LAMB1: variants seen among roughly 807,000 people sequenced by gnomAD.
The protein encoded by LAMB1 is laminin subunit beta 1, also known as laminin subunit beta-1.
Under a neutral mutation model 222.3 loss-of-function variants are expected in LAMB1, and 121 were observed. That is an observed-to-expected ratio of 0.54 (90% CI 0.47 to 0.63). The LOEUF (loss-of-function observed/expected upper bound fraction) is 0.63. LAMB1 is among the 30% of genes least tolerant of loss of function. The pLI is 0.00. For missense variants in LAMB1, 2,172 were observed against 2,240.8 expected (o/e 0.97, Z 0.62); for synonymous variants, 794 against 807.2 (o/e 0.98, Z 0.28).
At chr7:108,001,775 G>A in intron 2 of LAMB1, 42 bp from the exon 3 acceptor site, 4 of 1,605,632 alleles carry the variant, frequency 2.5e-6, no homozygotes, top group Non-Finnish European at 3.4e-6. Flanking sequence ...GACACAAGCA[G>A]GGAGTGGAGC....
At chr7:107,943,127 G>A (rs1045715381) in intron 24 of LAMB1, among the ~76,000 whole-genome samples, 12 of 152,308 alleles carry the variant, frequency 7.9e-5, no homozygotes, top group African/African-American at 2.4e-4. Flanking sequence ...ATGGTGATCC[G>A]TAGACCATAC....
At chr7:107,926,106 C>T in intron 32 of LAMB1, 77 bp downstream of exon 32, 1 of 1,136,076 alleles carries the variant, frequency 8.8e-7, no homozygotes, top group South Asian at 1.4e-5. Context: ...GTCCATGTCC[C>T]TTACTCTAAG....
chr7:107,926,536 G>GCTACATTTCATATATTCACTT (rs1300815208), intron 31 of LAMB1, among the ~76,000 whole-genome samples, 177 bp from the exon 32 acceptor site: 1 of 152,128 alleles, frequency 6.6e-6, no homozygotes, highest in Non-Finnish European at 1.5e-5. Flanking sequence ...TTTAGTCTTT[G>GCTACATTTCATATATTCACTT]CTACATTTCA....
intron 12 of LAMB1, 93 bp from the exon 13 acceptor site, chr7:107,973,164 C>T: frequency 1.0e-6 from 1 of 982,652 alleles, no homozygotes; most frequent in Non-Finnish European, 1.6e-6. Context: ...TTCGGCTGTT[C>T]CACCAAATGC....
chr7:107,929,239 C>A, intron 30 of LAMB1, 34 bp from the exon 31 acceptor site: 1 of 1,610,200 alleles, frequency 6.2e-7, no homozygotes. Context: ...TATATTGTTG[C>A]TGAACATGAA....
rs117933030 is a variant in LAMB1 at position 107,981,879 on chromosome 7, C to T, written c.677-1068G>A. 1.2e-4 allele frequency among the ~76,000 whole-genome samples: 18 copies of T among 152,300 alleles called. 1 individual carries two copies. In the East Asian group the frequency reaches 3.3e-3, roughly 28 times the overall value. Reference sequence around the variant, plus strand: ...ATCCAAGTTACCAAAATAGTGTTAACGCTATAGAATAACTACAACCTAAGG... The same window carrying T: ...ATCCAAGTTACCAAAATAGTGTTAATGCTATAGAATAACTACAACCTAAGG... On this transcript the variant is annotated intron_variant, in intron 7 of 33. Coordinates refer to ENST00000222399, the MANE Select transcript of LAMB1 (RefSeq NM_002291.3).
At position 107,975,039 on chromosome 7, in the gene LAMB1, C is replaced by G. The variant is rs1455822067; in HGVS notation, c.1429G>C (p.Gly477Arg). ...ACCAGACGCTTGCAGTAGCAGTGAC[C>G]TGTCTCGGAATCACAAGGATTCCCT... ...PGGNPCDSET[G>R]HCYCKRLVTG... The change falls in exon 12 of 34, where the codon GGT becomes CGT. Residue 477 changes from glycine to arginine, a missense_variant. Physicochemically the swap from Gly to Arg is moderately radical, Grantham distance 125. Transcript: ENST00000222399. 2.5e-6 allele frequency: 4 copies of G among 1,613,350 alleles called. No individual in the cohort carries two copies. The highest frequency in any genetic ancestry group is 1.7e-6 in the Non-Finnish European group (2 of 1,179,554).
chr7:107,944,754 G>C (rs1348401300), intron 24 of LAMB1, among the ~76,000 whole-genome samples: 3 of 152,170 alleles, frequency 2.0e-5, no homozygotes, highest in African/African-American at 2.4e-5. Context: ...CACTCACGTG[G>C]CTGAAGCAGA....
chr7:107,931,719 C>G, intron 28 of LAMB1: 1 of 541,396 alleles, frequency 1.8e-6, no homozygotes, highest in African/African-American at 1.9e-5. Flanking sequence ...ATAGAACTAG[C>G]ATTTAAAATT....
At chr7:107,999,885 C>A (rs76027912) in intron 3 of LAMB1, 1 of 151,756 alleles carries the variant, frequency 6.6e-6, no homozygotes, top group African/African-American at 2.4e-5. Context: ...CAGGAGAGAC[C>A]GCTGCACCTC....
intron 12 of LAMB1, among the ~76,000 whole-genome samples, chr7:107,973,502 A>G (rs2033791388): frequency 6.6e-6 from 1 of 152,234 alleles, no homozygotes; most frequent in African/African-American, 2.4e-5. Context: ...AATGTAGCAT[A>G]CAGCTACGAC....
At position 108,002,009 on chromosome 7, in the gene LAMB1, G is replaced by T. The variant is rs962161831; in HGVS notation, c.38-276C>A. 8 of 1,444,970 alleles carry T rather than the reference G, an allele frequency of 5.5e-6. No individual in the cohort carries two copies. In the African/African-American group the frequency reaches 1.1e-4, roughly 21 times the overall value. The allele number at this position is 1,444,970 out of a possible 1,614,324, so 89.5% of individuals were successfully genotyped here. Reference sequence around the variant, plus strand: ...TCCCGGGAAACCCACCGACGCTCGCGCCCACCCTGATCAGCCCCGGGGAGC... The same window carrying T: ...TCCCGGGAAACCCACCGACGCTCGCTCCCACCCTGATCAGCCCCGGGGAGC... On this transcript the variant is annotated intron_variant, in intron 2 of 33. Transcript: ENST00000222399.
chr7:107,995,864 T>C (rs1191573776), intron 4 of LAMB1, among the ~76,000 whole-genome samples: 2 of 152,238 alleles, frequency 1.3e-5, no homozygotes, highest in African/African-American at 2.4e-5. Context: ...GAATGAATCA[T>C]GTCACAGACT....
chr7:107,989,215 G>A lies in LAMB1; in HGVS notation c.424-2852C>T, dbSNP rs544004726. ...AAGTAAAAGATGAAGCAGAAAGAGCGCTGAAAAATAGGCAAACAGGCAAAG... is the reference window on the plus strand; with the variant it reads ...AAGTAAAAGATGAAGCAGAAAGAGCACTGAAAAATAGGCAAACAGGCAAAG... On this transcript the variant is annotated intron_variant, in intron 5 of 33. Coordinates refer to ENST00000222399, the MANE Select transcript of LAMB1 (RefSeq NM_002291.3). Among the ~76,000 whole-genome samples the A allele has an allele frequency of 6.6e-5, 10 of 152,270 alleles. No individual in the cohort carries two copies. In the East Asian group the frequency reaches 1.5e-3, roughly 23 times the overall value.
At chr7:107,926,933 A>G (rs1202631553) in intron 31 of LAMB1, among the ~76,000 whole-genome samples, 2 of 152,196 alleles carry the variant, frequency 1.3e-5, no homozygotes, top group Non-Finnish European at 2.9e-5. Flanking sequence ...GGAAAAAAAA[A>G]TATCTGGGCA....
chr7:107,999,763 CTTT>C (rs11306976), intron 3 of LAMB1: 25 of 121,392 alleles, frequency 2.1e-4, no homozygotes, highest in South Asian at 2.9e-4. Flanking sequence ...GCTCCAGTTG[CTTT>C]TTTTTTTTTT....
intron 7 of LAMB1, among the ~76,000 whole-genome samples, chr7:107,982,811 T>C (rs1052368152): frequency 6.6e-6 from 1 of 152,180 alleles, no homozygotes; most frequent in African/African-American, 2.4e-5. Context: ...TAAAGAGATA[T>C]TGCTCCCTTG....
At chr7:107,974,909 C>A in intron 12 of LAMB1, 77 bp downstream of exon 12, 1 of 840,172 alleles carries the variant, frequency 1.2e-6, no homozygotes, top group Non-Finnish European at 2.0e-6. Context: ...GCAGACTCTA[C>A]AATGGCGAAA....
At chr7:107,995,026 TG>T in intron 4 of LAMB1, 66 bp from the exon 5 acceptor site, 1 of 839,662 alleles carries the variant, frequency 1.2e-6, no homozygotes, top group Non-Finnish European at 1.9e-6. Context: ...TGTGAATAGT[TG>T]AGACTATTTT....
Sources: allele counts gnomAD v4.1 joint callset (sites outside exome capture counted in the v4.1 genomes callset), GRCh38; gene constraint gnomAD v4.1.1; transcripts MANE v1.5; gene names NCBI Gene and HGNC (gene_info 2026-07-23, HGNC 2026-07-21).